The following ZFC3H1 variants were observed in gnomAD, a reference collection of about 807,000 sequenced individuals.
The protein encoded by ZFC3H1 is zinc finger C3H1-type containing.
Under a neutral mutation model 243.7 loss-of-function variants are expected in ZFC3H1, and 71 were observed. The ratio of observed to expected loss-of-function variants is 0.29; its 90% confidence interval spans 0.24 to 0.36. ZFC3H1 has a LOEUF of 0.36. ZFC3H1 is among the 10% of genes least tolerant of loss of function. The pLI, the probability that ZFC3H1 is intolerant of heterozygous loss-of-function variation, is 1.00. For missense variants in ZFC3H1, 1,966 were observed against 2,317.1 expected, an observed-to-expected ratio of 0.85 and a Z score of 3.11; for synonymous variants, 838 against 813.0, an observed-to-expected ratio of 1.03 and a Z score of -0.52.
chr12:71,632,912 G>A lies in ZFC3H1; in HGVS notation c.2791C>T (p.Arg931Cys), dbSNP rs1168040334. 4 of 1,612,674 alleles carry A rather than the reference G, an allele frequency of 2.5e-6. No homozygotes were observed. The highest frequency in any genetic ancestry group is 3.4e-6 in the Non-Finnish European group (4 of 1,179,616). Residue 931 changes from arginine (R) to cysteine (C), a missense_variant, in exon 14 of 35, where the codon CGT (arginine) becomes TGT (cysteine). Arg to Cys is a radical substitution (Grantham distance 180, BLOSUM62 -3). Around this residue, in one of 4 missense-constraint regions of ZFC3H1, gnomAD observed 1,383 missense variants for 1,723.7 expected, o/e 0.80. Coordinates refer to ENST00000378743, the MANE Select transcript of ZFC3H1 (RefSeq NM_144982.5). The part of the protein sequence containing the change: ...KAVASKEIGK[R>C]KLEQDRFGPN... ...CCAAAGCGATCTTGTTCCAGTTTAC[G>A]TTTTCCTATTTCTTTACTGGCCACT...
Position 71,623,525 on chromosome 12 carries a change from A to G in ZFC3H1, c.4579T>C (p.Leu1527=), listed in dbSNP as rs1363347060. The change falls in exon 24 of 35, where the codon TTG becomes CTG. Residue 1527 remains leucine, a synonymous_variant. Coordinates refer to ENST00000378743, the MANE Select transcript of ZFC3H1 (RefSeq NM_144982.5). ...LKTSDRCLAW[L]AYIHLIEFNI... is the part of the protein sequence containing the mutation. ...AATTCAATAAGATGTATGTAGGCCA[A>G]CCATGCCAAACATCGATCACTGGTT... is the stretch of plus-strand genomic sequence containing the variant. 1.9e-6 allele frequency: 3 copies of G among 1,613,812 alleles called. No homozygotes were observed. Among genetic ancestry groups the G allele is most frequent in the Middle Eastern group, 1.7e-4 (1 of 6,056 alleles).
chr12:71,635,939 T>C (rs1235816208), intron 9 of ZFC3H1, among the ~76,000 whole-genome samples: 2 of 152,174 alleles, frequency 1.3e-5, no homozygotes, highest in African/African-American at 4.8e-5. Context: ...ATATAGAGGG[T>C]AAATTGCCAA....
At chr12:71,632,536 C>T (rs112614976) in intron 14 of ZFC3H1, 22 bp from the exon 15 acceptor site, 17 of 1,524,806 alleles carry the variant, frequency 1.1e-5, no homozygotes, top group Admixed American at 8.9e-5. Flanking sequence ...AAATGATACA[C>T]GTATTTTACA....
In ZFC3H1 at chr12:71,634,746, T is replaced by C; in HGVS notation, c.2318A>G (p.Glu773Gly). The change falls in exon 11 of 35, where the codon GAA becomes GGA. Residue 773 changes from glutamate to glycine, a missense_variant. By Grantham distance (98) the Glu-to-Gly change is moderately conservative. Transcript: ENST00000378743. ...TAACAATCTATATTCAATCTTCTTT[T>C]CTTCAGGCAAAGCCTCCGGTGTTCG... The part of the protein sequence containing the change: ...PLRTPEALPE[E>G]KKIEYRLLKE... The C allele has an allele frequency of 6.2e-7, 1 of 1,607,622 alleles. No homozygotes were observed. Among genetic ancestry groups the C allele is most frequent in the South Asian group, 1.1e-5 (1 of 89,888 alleles).
intron 27 of ZFC3H1, among the ~76,000 whole-genome samples, chr12:71,616,293 T>C (rs1454045260): frequency 6.6e-6 from 1 of 152,068 alleles, no homozygotes; most frequent in Non-Finnish European, 1.5e-5. Flanking sequence ...TGAGACCCTT[T>C]CTTAAAAAAA....
In ZFC3H1 at chr12:71,627,566, A is replaced by G. The variant is rs377272883; in HGVS notation, c.4130+185T>C. The stretch of plus-strand genomic sequence containing the variant: ...CCCATACACTGAGCCATGCACACAA[A>G]CTCAAGATCTAATCTTAAACTTGTC... On this transcript the variant is annotated intron_variant, in intron 21 of 34. Transcript: ENST00000378743. 1.3e-4 allele frequency among the ~76,000 whole-genome samples: 20 copies of G among 152,276 alleles called. 1 individual carries two copies. The South Asian group carries it at 4.1e-3, about 32-fold the overall frequency.
chr12:71,631,702 T>C, intron 16 of ZFC3H1, 76 bp downstream of exon 16: 4 of 1,248,738 alleles, frequency 3.2e-6, no homozygotes, highest in Non-Finnish European at 3.3e-6. Flanking sequence ...TTCATTATCA[T>C]CAAATATTCA....
At chr12:71,653,595 A>G (rs1814130012) in intron 2 of ZFC3H1, among the ~76,000 whole-genome samples, 1 of 152,252 alleles carries the variant, frequency 6.6e-6, no homozygotes, top group African/African-American at 2.4e-5. Context: ...CAACTACAGA[A>G]TATCAAAGAC....
intron 27 of ZFC3H1, among the ~76,000 whole-genome samples, chr12:71,618,108 T>A (rs1190658685): frequency 1.3e-5 from 2 of 151,688 alleles, no homozygotes; most frequent in Non-Finnish European, 2.9e-5. Flanking sequence ...TACTAAAATA[T>A]AAAAAAATTA....
intron 2 of ZFC3H1, among the ~76,000 whole-genome samples, chr12:71,655,550 T>C (rs928131204): frequency 2.0e-5 from 3 of 152,132 alleles, no homozygotes; most frequent in Non-Finnish European, 4.4e-5. Flanking sequence ...TTAAGAACAA[T>C]TTTTATAACT....
Position 71,629,597 on chromosome 12 carries a change from A to G in ZFC3H1, c.3826+12T>C. On this transcript the variant is annotated intron_variant, in intron 19 of 34. Coordinates refer to ENST00000378743, the MANE Select transcript of ZFC3H1 (RefSeq NM_144982.5). ...CACACACACACACACACACACTTATATATGTACTTACTATGACCTTTACTT... is the reference window on the plus strand; with the variant it reads ...CACACACACACACACACACACTTATGTATGTACTTACTATGACCTTTACTT... 5 of 1,506,944 alleles carry G rather than the reference A, an allele frequency of 3.3e-6. No homozygotes were observed. Among genetic ancestry groups the G allele is most frequent in the South Asian group, 1.1e-5 (1 of 88,918 alleles). 93.3% of individuals were successfully genotyped at this position (1,506,944 alleles called of 1,614,324 possible).
At chr12:71,640,934 A>G (rs1378410007) in intron 6 of ZFC3H1, among the ~76,000 whole-genome samples, 1 of 152,172 alleles carries the variant, frequency 6.6e-6, no homozygotes, top group East Asian at 1.9e-4. Context: ...AGATAAAGTG[A>G]ATTAAAAGAT....
At chr12:71,628,059 GCTC>G (rs1880214996) in intron 20 of ZFC3H1, 125 bp from the exon 21 acceptor site, 1 of 936,564 alleles carries the variant, frequency 1.1e-6, no homozygotes, top group African/African-American at 1.7e-5. Context: ...ACATGTACTA[GCTC>G]ACAGCTTTAA....
At chr12:71,662,723 C>T (rs1365664802) in intron 1 of ZFC3H1, among the ~76,000 whole-genome samples, 1 of 152,110 alleles carries the variant, frequency 6.6e-6, no homozygotes, top group African/African-American at 2.4e-5. Flanking sequence ...AATACAAATG[C>T]TAATGAAACT....
chr12:71,628,782 A>C, intron 20 of ZFC3H1, 136 bp downstream of exon 20: 2 of 823,160 alleles, frequency 2.4e-6, no homozygotes, highest in Non-Finnish European at 3.5e-6. Context: ...TTGTCTAAAA[A>C]CCCAATGGCA....
chr12:71,629,318 A>G (rs887509455), intron 19 of ZFC3H1, among the ~76,000 whole-genome samples: 12 of 151,850 alleles, frequency 7.9e-5, no homozygotes, highest in Non-Finnish European at 2.9e-5. Context: ...GGCACACGCC[A>G]CCACCACCCG....
rs1199103614 is a variant in ZFC3H1 at position 71,623,594 on chromosome 12, C to A, written c.4510G>T (p.Ala1504Ser). Reference protein sequence around the residue: ...CQSALAILQNALKSANDGIVA... With the variant: ...CQSALAILQNSLKSANDGIVA... ...ATTCCATCATTAGCAGATTTCAATG[C>A]ATTCTAGGCAAAATTTAAAATTTTT... Residue 1504 changes from alanine to serine, a missense_variant, in exon 24 of 35, where the codon GCA (alanine) becomes TCA (serine). Transcript: ENST00000378743. 2 of 1,580,656 alleles carry A rather than the reference C, an allele frequency of 1.3e-6. No individual in the cohort carries two copies. Among genetic ancestry groups the A allele is most frequent in the South Asian group, 1.2e-5 (1 of 85,046 alleles).
In ZFC3H1 at chr12:71,663,706, G is replaced by C; in HGVS notation, c.-96C>G. ...CCTTCTTTCCTAACGGACTGGGTCG[G>C]TGCGGTCTTACCCTACTCGGACACC... On this transcript the variant is annotated 5_prime_UTR_variant, in exon 1 of 35. Coordinates refer to ENST00000378743, the MANE Select transcript of ZFC3H1 (RefSeq NM_144982.5). 6.9e-7 allele frequency: 1 copy of C among 1,440,772 alleles called. No homozygotes were observed. 89.2% of individuals were successfully genotyped at this position (1,440,772 alleles called of 1,614,324 possible).
At chr12:71,651,121 T>C (rs1033564632) in intron 2 of ZFC3H1, among the ~76,000 whole-genome samples, 5 of 152,318 alleles carry the variant, frequency 3.3e-5, no homozygotes, top group Admixed American at 2.0e-4. Flanking sequence ...CCCAGTTCAA[T>C]AGATCTAAGG....
Sources: gnomAD v4.1 joint callset for allele counts (sites outside exome capture counted in the v4.1 genomes callset) on GRCh38, gnomAD v4.1.1 for gene constraint, gnomAD v4.1.1 regional missense constraint, MANE v1.5 for transcripts, NCBI Gene and HGNC (gene_info 2026-07-23, HGNC 2026-07-21) for gene names.